The following KLHL13 variants were observed in gnomAD, a reference collection of about 807,000 sequenced individuals.
The protein encoded by KLHL13 is kelch like family member 13.
A neutral mutation model predicts 37.1 loss-of-function variants in KLHL13; 10 were observed. The ratio of observed to expected loss-of-function variants is 0.27; its 90% CI spans 0.17 to 0.46. The LOEUF is 0.46. Ranked by LOEUF, KLHL13 falls within the 20% of genes least tolerant of loss-of-function variation. The probability of loss-of-function intolerance (pLI) is 1.00; values close to 1 mark genes in which losing one functional copy is unlikely to be tolerated. For synonymous variants in KLHL13, 163 were observed against 181.2 expected (o/e 0.90, Z 0.81); for missense variants, 360 against 509.3 (o/e 0.71, Z 2.82).
intron 1 of KLHL13, among the ~76,000 whole-genome samples, chrX:117,998,479 TA>T (rs201051838): frequency 2.8e-5 from 3 of 108,844 alleles, no homozygotes; most frequent in Non-Finnish European, 5.7e-5. Flanking sequence ...AAAGAGATTC[TA>T]AAAAAAAACA....
chrX:118,063,101 G>A lies in KLHL13; in HGVS notation c.-56+53407C>T, dbSNP rs780305651. 7.2e-5 allele frequency among the ~76,000 whole-genome samples: 8 copies of A among 111,559 alleles called. No homozygotes were observed. In the South Asian group the frequency reaches 3.0e-3, roughly 42 times the overall value. On this transcript the variant is annotated intron_variant, in intron 1 of 6. Coordinates refer to the KLHL13 transcript ENST00000371882. The stretch of plus-strand genomic sequence containing the variant: ...TTGGGGTTAAGGGATGATCTAAATA[G>A]ATATGCAGAGAGACTAGTTAGAATT...
intron 1 of KLHL13, among the ~76,000 whole-genome samples, chrX:118,012,695 C>A (rs866805474): frequency 1.1e-4 from 1 of 8,964 alleles, no homozygotes; most frequent in Non-Finnish European, 2.9e-4. Flanking sequence ...GGGCAGGGGG[C>A]GGGGGTATTC....
At chrX:118,019,949 T>C (rs1410340039) in intron 1 of KLHL13, among the ~76,000 whole-genome samples, 1 of 107,162 alleles carries the variant, frequency 9.3e-6, no homozygotes, top group Non-Finnish European at 1.9e-5. Context: ...TTTGTTCTTT[T>C]GGCTTAGGAT....
Position 118,011,829 on chromosome X carries a change from T to A in KLHL13, c.-55-66254A>T, listed in dbSNP as rs781025169. On this transcript the variant is annotated intron_variant, in intron 1 of 6. Transcript: ENST00000371882. ...TTTGTGTTGAATAAACATTTGTATT[T>A]ATGAGATCCAAAATATTAACAGCGC... Among the ~76,000 whole-genome samples the A allele has an allele frequency of 8.0e-5, 9 of 112,427 alleles. No homozygotes were observed. In the South Asian group the frequency reaches 3.3e-3, roughly 42 times the overall value.
intron 4 of KLHL13, among the ~76,000 whole-genome samples, chrX:117,917,099 GA>G (rs1165846739): frequency 2.7e-5 from 3 of 111,516 alleles, no homozygotes; most frequent in Non-Finnish European, 5.7e-5. Flanking sequence ...CAGAATGCAT[GA>G]AAGAAGGGTA....
intron 1 of KLHL13, among the ~76,000 whole-genome samples, chrX:118,108,454 T>C (rs770582762): frequency 8.9e-6 from 1 of 112,560 alleles, no homozygotes; most frequent in African/African-American, 3.2e-5. Context: ...TTCTTCTTCA[T>C]CTTTCTCATC....
At chrX:118,037,670 A>C (rs1048506411) in intron 1 of KLHL13, among the ~76,000 whole-genome samples, 1 of 111,287 alleles carries the variant, frequency 9.0e-6, no homozygotes, top group African/African-American at 3.3e-5. Flanking sequence ...GGTGCAGTGC[A>C]CCAGCATGGC....
intron 1 of KLHL13, among the ~76,000 whole-genome samples, chrX:118,050,271 G>A (rs2054600065): frequency 8.9e-6 from 1 of 111,802 alleles, no homozygotes; most frequent in African/African-American, 3.3e-5. Context: ...GAGGTATATT[G>A]TTGGCTCATG....
At chrX:118,046,552 T>C (rs2054562325) in intron 1 of KLHL13, among the ~76,000 whole-genome samples, 1 of 112,123 alleles carries the variant, frequency 8.9e-6, no homozygotes, top group East Asian at 2.8e-4. Flanking sequence ...TATAATTAGA[T>C]TGCTTGTAAC....
At position 117,964,820 on chromosome X, in the gene KLHL13, G is replaced by T. The variant is rs753643397; in HGVS notation, c.98+7911C>A. On this transcript the variant is annotated intron_variant, in intron 1 of 6. Coordinates refer to ENST00000262820, the Ensembl canonical transcript of KLHL13. Reference sequence around the variant, plus strand: ...TTCTCATTGTTCAATTCCCACCTGTGAGTGAGAACATGCAGTGTTTGGTTT... The same window carrying T: ...TTCTCATTGTTCAATTCCCACCTGTTAGTGAGAACATGCAGTGTTTGGTTT... Among the ~76,000 whole-genome samples, 37 of 110,882 alleles carry T rather than the reference G, an allele frequency of 3.3e-4. 1 individual carries two copies. The highest frequency in any genetic ancestry group is 2.6e-3 in the Admixed American group (27 of 10,449).
At position 117,997,079 on chromosome X, in the gene KLHL13, C is replaced by T. The variant is rs372132372; in HGVS notation, c.-55-51504G>A. On this transcript the variant is annotated intron_variant, in intron 1 of 6. Coordinates refer to the KLHL13 transcript ENST00000371882. ...AAATGCTTTCGGGAAGACTCATACT[C>T]ACTTGCACTTTGCAACATCTTCCAC... 1.5e-3 allele frequency among the ~76,000 whole-genome samples: 162 copies of T among 109,980 alleles called. 1 individual carries two copies. The highest frequency in any genetic ancestry group is 5.4e-3 in the African/African-American group (157 of 29,198).
chrX:118,038,283 T>C (rs1030537073), intron 1 of KLHL13, among the ~76,000 whole-genome samples: 3 of 112,255 alleles, frequency 2.7e-5, no homozygotes, highest in Non-Finnish European at 3.8e-5. Context: ...ATCTCTCCTG[T>C]AGGAAGACGA....
At chrX:117,988,233 G>A (rs2053750190) in intron 1 of KLHL13, among the ~76,000 whole-genome samples, 1 of 111,647 alleles carries the variant, frequency 9.0e-6, no homozygotes, top group South Asian at 3.7e-4. Flanking sequence ...AGGGAGGAGG[G>A]GTAACTACCT....
intron 1 of KLHL13, among the ~76,000 whole-genome samples, chrX:118,116,161 G>A (rs1275235290): frequency 2.7e-5 from 3 of 110,843 alleles, no homozygotes; most frequent in Non-Finnish European, 3.8e-5. Context: ...GGCGGGCAGC[G>A]GGACCCCAGA....
At chrX:118,003,554 C>A (rs2053949461) in intron 1 of KLHL13, among the ~76,000 whole-genome samples, 1 of 110,439 alleles carries the variant, frequency 9.1e-6, no homozygotes, top group African/African-American at 3.3e-5. Context: ...TTTTTAACAC[C>A]TTATTAGGCA....
intron 1 of KLHL13, among the ~76,000 whole-genome samples, chrX:118,062,809 A>G (rs759285005): frequency 2.7e-5 from 3 of 111,127 alleles, no homozygotes; most frequent in Non-Finnish European, 5.7e-5. Context: ...GTTGAAAGCC[A>G]CATATGGTGA....
chrX:117,973,819 A>AC (rs1202810193), upstream of KLHL13: 563 of 507,237 alleles, frequency 1.1e-3, 1 homozygote, highest in African/African-American at 5.0e-3. Flanking sequence ...CTTGTTCACC[A>AC]CCCCCCCCAC....
chrX:118,090,516 C>A (rs1042400082), intron 1 of KLHL13, among the ~76,000 whole-genome samples: 1 of 111,764 alleles, frequency 8.9e-6, no homozygotes, highest in Non-Finnish European at 1.9e-5. Context: ...AGCCAAAAGA[C>A]ACATGAAAAA....
intron 1 of KLHL13, among the ~76,000 whole-genome samples, chrX:118,111,527 G>A (rs1199808948): frequency 8.9e-6 from 1 of 112,730 alleles, no homozygotes; most frequent in Non-Finnish European, 1.9e-5. Context: ...GGAGCCCGAG[G>A]TGGGTGGATC....
Sources: allele counts gnomAD v4.1 joint callset (sites outside exome capture counted in the v4.1 genomes callset), GRCh38; gene constraint gnomAD v4.1.1; transcripts MANE v1.5; gene names NCBI Gene and HGNC (gene_info 2026-07-23, HGNC 2026-07-21).